Variants in MTMR7 observed in about 807,000 individuals in gnomAD.
The protein encoded by MTMR7 is phosphatidylinositol-3-phosphate phosphatase MTMR7.
Under a neutral mutation model 81.2 loss-of-function variants are expected in MTMR7, and 76 were observed. The ratio of observed to expected loss-of-function variants is 0.94; its 90% CI spans 0.78 to 1.13. The LOEUF (loss-of-function observed/expected upper bound fraction) is 1.13. MTMR7 is among the 50% of genes most tolerant of loss of function. MTMR7 has a pLI of 0.00. For synonymous variants in MTMR7, 372 were observed against 289.8 expected (o/e 1.28, Z -2.88); for missense variants, 1,044 against 820.0 (o/e 1.27, Z -3.34).
In MTMR7 at chr8:17,373,256, T is replaced by A; in HGVS notation, c.25-16A>T. On this transcript the variant is annotated splice_polypyrimidine_tract_variant and intron_variant, in intron 1 of 13. Transcript: ENST00000180173. ...CATTTTCAACCTAGAGAAATCGGCA[T>A]GATGAAAAGAGTTACCGTAAAGCAG... The A allele has an allele frequency of 1.2e-6, 2 of 1,606,770 alleles. No individual in the cohort carries two copies. The highest frequency in any genetic ancestry group is 1.7e-6 in the Non-Finnish European group (2 of 1,176,704).
rs1160606086 is a variant in MTMR7 at position 17,299,554 on chromosome 8, G to A, written c.*308C>T. ...TTTTGAGAGATGCATGCTATGACAA[G>A]GAAGATAGATACTGATCACTTCAGG... On this transcript the variant is annotated 3_prime_UTR_variant, in exon 14 of 14. Transcript: ENST00000180173. 3 of 261,970 alleles carry A rather than the reference G, an allele frequency of 1.1e-5. No individual in the cohort carries two copies. Among genetic ancestry groups the A allele is most frequent in the Non-Finnish European group, 2.2e-5 (3 of 137,256 alleles). 16.2% of individuals were successfully genotyped at this position (261,970 alleles called of 1,614,324 possible).
chr8:17,398,026 G>A (rs971536373), intron 1 of MTMR7, among the ~76,000 whole-genome samples: 2 of 152,234 alleles, frequency 1.3e-5, no homozygotes, highest in Non-Finnish European at 2.9e-5. Flanking sequence ...CACCACCGAC[G>A]TTCGCTTAAA....
intron 1 of MTMR7, 27 bp from the exon 2 acceptor site, chr8:17,373,267 G>C (rs372259719): frequency 1.6e-5 from 25 of 1,600,636 alleles, no homozygotes; most frequent in Admixed American, 1.7e-5. Flanking sequence ...GATGAAAAGA[G>C]TTACCGTAAA....
chr8:17,300,989 T>C (rs1817072320), intron 13 of MTMR7, among the ~76,000 whole-genome samples: 1 of 152,254 alleles, frequency 6.6e-6, no homozygotes, highest in African/African-American at 2.4e-5. Flanking sequence ...TTCCATTACA[T>C]GGATATACCA....
In MTMR7 at chr8:17,355,238, T is replaced by C. The variant is rs138300726; in HGVS notation, c.468+5879A>G. Among the ~76,000 whole-genome samples, 351 of 152,320 alleles carry C rather than the reference T, an allele frequency of 2.3e-3. 5 individuals carry two copies. The highest frequency in any genetic ancestry group is 8.1e-3 in the African/African-American group (338 of 41,578). ...CAATTTTCTTTACTAAACTTGGATTTTCCTTTCTTTCAAGGCTAAAAATTC... is the reference window on the plus strand; with the variant it reads ...CAATTTTCTTTACTAAACTTGGATTCTCCTTTCTTTCAAGGCTAAAAATTC... On this transcript the variant is annotated intron_variant, in intron 4 of 13. Coordinates refer to ENST00000180173, the MANE Select transcript of MTMR7 (RefSeq NM_004686.5).
intron 1 of MTMR7, among the ~76,000 whole-genome samples, chr8:17,396,363 G>T (rs1821249321): frequency 6.6e-6 from 1 of 152,174 alleles, no homozygotes; most frequent in Admixed American, 6.5e-5. Flanking sequence ...GAGGCAACCT[G>T]TCCCCCATCC....
At chr8:17,362,806 T>C (rs1005535160) in intron 3 of MTMR7, among the ~76,000 whole-genome samples, 1 of 152,326 alleles carries the variant, frequency 6.6e-6, no homozygotes, top group Non-Finnish European at 1.5e-5. Flanking sequence ...TAGCCCTTTA[T>C]AGAATCTTGC....
chr8:17,399,382 A>G (rs1821355996), intron 1 of MTMR7, among the ~76,000 whole-genome samples: 1 of 152,180 alleles, frequency 6.6e-6, no homozygotes. Context: ...CCTATTTATA[A>G]TAGCTACAAA....
chr8:17,336,138 T>C (rs1038432614), intron 6 of MTMR7, among the ~76,000 whole-genome samples: 1 of 152,188 alleles, frequency 6.6e-6, no homozygotes, highest in African/African-American at 2.4e-5. Context: ...ATGCAGGTTT[T>C]TGGAGGTAGG....
chr8:17,344,628 C>A (rs1291665229), intron 5 of MTMR7, among the ~76,000 whole-genome samples: 1 of 152,040 alleles, frequency 6.6e-6, no homozygotes, highest in African/African-American at 2.4e-5. Flanking sequence ...AAAGATGCAG[C>A]AGAAAGACCT....
At chr8:17,412,469 G>C (rs74450073) in intron 1 of MTMR7, among the ~76,000 whole-genome samples, 3,562 of 152,278 alleles carry the variant, frequency 0.023, 119 homozygotes, top group African/African-American at 0.071. Context: ...TTATCATGCA[G>C]TAACGTCGAT....
At chr8:17,335,418 A>C (rs1819205819) in intron 6 of MTMR7, among the ~76,000 whole-genome samples, 1 of 152,206 alleles carries the variant, frequency 6.6e-6, no homozygotes, top group South Asian at 2.1e-4. Flanking sequence ...TGAATCAATC[A>C]AATGTAGAAA....
At position 17,304,480 on chromosome 8, in the gene MTMR7, C is replaced by G; in HGVS notation, c.1392G>C (p.Trp464Cys). 1 of 1,613,970 alleles carries G rather than the reference C, an allele frequency of 6.2e-7. No individual in the cohort carries two copies. The highest frequency in any genetic ancestry group is 1.3e-5 in the African/African-American group (1 of 75,008). ...ERTYSLWAHLWKNRADYLNPL... is the reference protein window; with the variant it reads ...ERTYSLWAHLCKNRADYLNPL... ...GATTCAGGTAGTCGGCCCGATTCTT[C>G]CACAGGTGAGCCCATAATGAGTATG... is the stretch of plus-strand genomic sequence containing the variant. The change falls in exon 12 of 14, where the codon TGG becomes TGC. Residue 464 changes from tryptophan (W) to cysteine (C), a missense_variant. Transcript: ENST00000180173.
chr8:17,318,595 G>A (rs970796697), intron 7 of MTMR7, among the ~76,000 whole-genome samples: 4 of 152,168 alleles, frequency 2.6e-5, no homozygotes, highest in African/African-American at 7.2e-5. Flanking sequence ...GGCCACTGCA[G>A]TGGGGTCCTA....
intron 6 of MTMR7, among the ~76,000 whole-genome samples, chr8:17,334,110 T>A (rs1017075605): frequency 1.3e-5 from 2 of 152,208 alleles, no homozygotes; most frequent in African/African-American, 2.4e-5. Context: ...AATAACCTCC[T>A]GAACATCAAT....
intron 7 of MTMR7, chr8:17,326,277 C>A (rs1191582389): frequency 6.6e-6 from 1 of 152,142 alleles, no homozygotes; most frequent in East Asian, 1.9e-4. Flanking sequence ...CTCTGTGCCT[C>A]AATTTCCTCA....
intron 11 of MTMR7, 95 bp from the exon 12 acceptor site, chr8:17,304,614 TA>T: frequency 7.3e-7 from 1 of 1,365,806 alleles, no homozygotes; most frequent in Non-Finnish European, 1.0e-6. Flanking sequence ...TAATAATTGT[TA>T]CCTGAAAACC....
At chr8:17,400,059 C>T (rs1474136736) in intron 1 of MTMR7, among the ~76,000 whole-genome samples, 2 of 151,980 alleles carry the variant, frequency 1.3e-5, no homozygotes, top group Non-Finnish European at 2.9e-5. Flanking sequence ...CAGAGGAATA[C>T]CCTTTAAAAA....
At chr8:17,397,019 G>C (rs1452407549) in intron 1 of MTMR7, among the ~76,000 whole-genome samples, 1 of 151,896 alleles carries the variant, frequency 6.6e-6, no homozygotes, top group Non-Finnish European at 1.5e-5. Context: ...AGTCCTAGCG[G>C]CATTCATCAT....
Sources: gnomAD v4.1 joint callset for allele counts (sites outside exome capture counted in the v4.1 genomes callset) on GRCh38, gnomAD v4.1.1 for gene constraint, MANE v1.5 for transcripts, NCBI Gene and HGNC (gene_info 2026-07-23, HGNC 2026-07-21) for gene names.